The following MLLT3 variants were observed in gnomAD, a reference collection of about 807,000 sequenced individuals.
MLLT3 encodes MLLT3 super elongation complex subunit.
MLLT3 carries 4 observed loss-of-function variants against 53.2 expected under a neutral mutation model. The observed-to-expected ratio is 0.08, with a 90% confidence interval of 0.04 to 0.17. The LOEUF is 0.17. MLLT3 is among the 10% of genes least tolerant of loss of function. The pLI, the probability that MLLT3 is intolerant of heterozygous loss-of-function variation, is 1.00. For missense variants in MLLT3, 569 were observed against 684.0 expected, an observed-to-expected ratio of 0.83 and a Z score of 1.87; for synonymous variants, 283 against 230.6, an observed-to-expected ratio of 1.23 and a Z score of -2.06.
intron 2 of MLLT3, among the ~76,000 whole-genome samples, chr9:20,466,005 G>A (rs1824229503): frequency 6.6e-6 from 1 of 152,018 alleles, no homozygotes; most frequent in Admixed American, 6.6e-5. Context: ...TGTGTTCCAG[G>A]AAACCCTACA....
At chr9:20,446,136 A>G (rs767267535) in intron 4 of MLLT3, among the ~76,000 whole-genome samples, 1 of 152,192 alleles carries the variant, frequency 6.6e-6, no homozygotes, top group Non-Finnish European at 1.5e-5. Flanking sequence ...ATTTTTAATG[A>G]ATTTTTAAAT....
intron 5 of MLLT3, among the ~76,000 whole-genome samples, chr9:20,391,865 TA>T (rs755190071): frequency 3.1e-4 from 47 of 152,284 alleles, no homozygotes; most frequent in Non-Finnish European, 5.4e-4. Context: ...TTGTGAAAGT[TA>T]AGGTTTTAGT....
intron 2 of MLLT3, among the ~76,000 whole-genome samples, chr9:20,535,284 G>A (rs1331723157): frequency 6.6e-6 from 1 of 152,186 alleles, no homozygotes. Flanking sequence ...ATGATTTGAG[G>A]TGGAACAGTT....
intron 2 of MLLT3, among the ~76,000 whole-genome samples, chr9:20,545,809 A>G (rs1401638866): frequency 6.8e-6 from 1 of 147,508 alleles, no homozygotes; most frequent in East Asian, 2.0e-4. Flanking sequence ...CCTTGAAGAC[A>G]GGAGTTCGAG....
At chr9:20,536,086 A>G (rs1164858030) in intron 2 of MLLT3, among the ~76,000 whole-genome samples, 1 of 152,192 alleles carries the variant, frequency 6.6e-6, no homozygotes, top group South Asian at 2.1e-4. Context: ...CAAAGAGCCA[A>G]TCAATCCATT....
intron 2 of MLLT3, among the ~76,000 whole-genome samples, chr9:20,602,448 T>C (rs1426535464): frequency 6.6e-6 from 1 of 152,146 alleles, no homozygotes; most frequent in Non-Finnish European, 1.5e-5. Flanking sequence ...AAATTATATG[T>C]TTTGACTATA....
rs114044198 is a variant in MLLT3 at position 20,594,383 on chromosome 9, G to A, written c.193+26271C>T. 6.7e-3 allele frequency among the ~76,000 whole-genome samples: 1,016 copies of A among 152,198 alleles called. 18 individuals carry two copies. The highest frequency in any genetic ancestry group is 0.024 in the African/African-American group (982 of 41,518). On this transcript the variant is annotated intron_variant, in intron 2 of 10. Transcript: ENST00000380338. ...TGAATACAAGAGACCCTAATAGGCA[G>A]GAATATTATCACCTCTATTCAGCCT...
chr9:20,481,892 T>C (rs911531992), intron 2 of MLLT3, among the ~76,000 whole-genome samples: 27 of 152,318 alleles, frequency 1.8e-4, no homozygotes, highest in African/African-American at 5.3e-4. Context: ...AGAACCAGCA[T>C]TGCCACTGAT....
intron 2 of MLLT3, among the ~76,000 whole-genome samples, chr9:20,569,744 T>G (rs571301354): frequency 6.6e-6 from 1 of 152,328 alleles, no homozygotes; most frequent in South Asian, 2.1e-4. Context: ...TCACAAGTTC[T>G]ATGACTTTGG....
intron 2 of MLLT3, among the ~76,000 whole-genome samples, chr9:20,576,243 A>G (rs1484715596): frequency 6.6e-6 from 1 of 152,222 alleles, no homozygotes; most frequent in East Asian, 1.9e-4. Flanking sequence ...TTGGCTTAAG[A>G]GAATGCTGTG....
intron 4 of MLLT3, among the ~76,000 whole-genome samples, chr9:20,416,855 A>ACATTTTCTTTGTCCTG (rs1400374154): frequency 1.3e-5 from 2 of 152,114 alleles, no homozygotes; most frequent in Admixed American, 6.5e-5. Context: ...GCAGTTTTTA[A>ACATTTTCTTTGTCCTG]GGCAGCATTT....
intron 2 of MLLT3, among the ~76,000 whole-genome samples, chr9:20,614,117 G>A (rs918424169): frequency 2.6e-5 from 4 of 152,142 alleles, no homozygotes; most frequent in Admixed American, 1.3e-4. Flanking sequence ...TGCTAGGGCC[G>A]GGCGCGGTGC....
At chr9:20,359,873 T>TA (rs1821272959) in intron 8 of MLLT3, among the ~76,000 whole-genome samples, 1 of 152,186 alleles carries the variant, frequency 6.6e-6, no homozygotes, top group Non-Finnish European at 1.5e-5. Context: ...AAGAAAAACT[T>TA]ATGGTAATGA....
In MLLT3 at chr9:20,448,305, GA is replaced by G. The variant is rs766901178; in HGVS notation, c.277-40del. The G allele has an allele frequency of 6.3e-7, 1 of 1,597,344 alleles. No homozygotes were observed. The highest frequency in any genetic ancestry group is 1.1e-5 in the South Asian group (1 of 88,188). On this transcript the variant is annotated intron_variant, in intron 3 of 10. Transcript: ENST00000380338. This position sits in a 1 kb window ranked among gnomAD's most constrained non-coding sequence, Gnocchi z 4.0. The stretch of plus-strand genomic sequence containing the variant: ...AAAATTATGAAAGAAAAAAGAGAGT[GA>G]GGCATAAGTGAAATTTTAAAAGCAA...
intron 2 of MLLT3, among the ~76,000 whole-genome samples, chr9:20,566,341 C>G (rs1431393768): frequency 1.3e-5 from 2 of 151,678 alleles, no homozygotes; most frequent in Non-Finnish European, 2.9e-5. Flanking sequence ...CCTTCTGCCC[C>G]CTAACAAAAT....
chr9:20,463,717 C>T (rs1212048321), intron 2 of MLLT3, among the ~76,000 whole-genome samples: 2 of 152,052 alleles, frequency 1.3e-5, no homozygotes, highest in African/African-American at 4.8e-5. Context: ...AAGGTTCAAC[C>T]TAGAAACAGA....
intron 2 of MLLT3, among the ~76,000 whole-genome samples, chr9:20,516,228 T>G (rs1817914638): frequency 6.6e-6 from 1 of 152,188 alleles, no homozygotes; most frequent in African/African-American, 2.4e-5. Flanking sequence ...TGGAAACAAA[T>G]GTTTACACTA....
intron 2 of MLLT3, among the ~76,000 whole-genome samples, chr9:20,608,111 T>C (rs921326330): frequency 6.6e-6 from 1 of 152,000 alleles, no homozygotes; most frequent in Non-Finnish European, 1.5e-5. Flanking sequence ...TTGGTACTTG[T>C]TTTGGTACTT....
chr9:20,526,607 A>G (rs1818210848), intron 2 of MLLT3, among the ~76,000 whole-genome samples: 1 of 152,170 alleles, frequency 6.6e-6, no homozygotes, highest in South Asian at 2.1e-4. Context: ...GTTTTAAGCT[A>G]TTATAAGTAG....
Sources: allele counts gnomAD v4.1 joint callset (sites outside exome capture counted in the v4.1 genomes callset), GRCh38; gene constraint gnomAD v4.1.1; non-coding constraint Gnocchi (gnomAD v3.1); transcripts MANE v1.5; gene names NCBI Gene and HGNC (gene_info 2026-07-23, HGNC 2026-07-21).